The following NDUFAF5 variants were observed in gnomAD, a reference collection of about 807,000 sequenced individuals.
The protein encoded by NDUFAF5 is NADH:ubiquinone oxidoreductase complex assembly factor 5, also known as arginine-hydroxylase NDUFAF5, mitochondrial.
NDUFAF5 carries 34 observed loss-of-function variants against 48.9 expected under a neutral mutation model. That is an observed-to-expected ratio of 0.70 (90% CI 0.53 to 0.93). NDUFAF5 has a LOEUF of 0.93. NDUFAF5 is among the 40% of genes least tolerant of loss of function. NDUFAF5 has a pLI of 0.00. For synonymous variants in NDUFAF5, 153 were observed against 150.6 expected, an observed-to-expected ratio of 1.02 and a Z score of -0.12; for missense variants, 428 against 427.5, an observed-to-expected ratio of 1.00 and a Z score of -0.01.
rs773120608 is a variant in NDUFAF5 at position 13,785,242 on chromosome 20, G to C, written c.174G>C (p.Trp58Cys). 2 of 1,613,238 alleles carry C rather than the reference G, an allele frequency of 1.2e-6. No individual in the cohort carries two copies. Among genetic ancestry groups the C allele is most frequent in the Non-Finnish European group, 8.5e-7 (1 of 1,179,724 alleles). ...ATTTGAAAAGGAAACAGAAGAACTG[G>C]GCAGCCCGGCAGCCCGAGCCGACCA... ...DRDLKRKQKNWAARQPEPTKF... is the reference protein window; with the variant it reads ...DRDLKRKQKNCAARQPEPTKF... The change falls in exon 1 of 11, where the codon TGG (tryptophan) becomes TGC (cysteine). Residue 58 changes from tryptophan to cysteine, a missense_variant. Physicochemically the swap from Trp to Cys is radical, Grantham distance 215 (BLOSUM62 -2). Transcript: ENST00000378106.
At chr20:13,787,721 A>C (rs1981441274) in intron 2 of NDUFAF5, among the ~76,000 whole-genome samples, 1 of 152,170 alleles carries the variant, frequency 6.6e-6, no homozygotes, top group Non-Finnish European at 1.5e-5. Flanking sequence ...GTTCATCATC[A>C]AGATATAGGG....
intron 3 of NDUFAF5, 126 bp downstream of exon 3, chr20:13,788,778 T>G (rs1360218285): frequency 4.6e-5 from 19 of 414,542 alleles, no homozygotes; most frequent in Non-Finnish European, 7.6e-5. Context: ...TGTTAATTTG[T>G]TTTTTTTTTT....
rs1170610346 is a variant in NDUFAF5 at position 13,819,614 on chromosome 20, A to C, written c.*2404A>C. The C allele has an allele frequency of 1.3e-5, 2 of 152,468 alleles. No homozygotes were observed. Among genetic ancestry groups the C allele is most frequent in the East Asian group, 3.9e-4 (2 of 5,174 alleles). 9.4% of individuals were successfully genotyped at this position (152,468 alleles called of 1,614,324 possible). A position where few individuals can be genotyped will look rare whatever the true frequency, so the allele number is the denominator to read the frequency against. On this transcript the variant is annotated 3_prime_UTR_variant, in exon 11 of 11. Coordinates refer to ENST00000378106, the MANE Select transcript of NDUFAF5 (RefSeq NM_024120.5). ...AATCTCTTGACCTTGTGATCTGCCC[A>C]CCTTGGCTTCCCAAAGTGCTGAGAT... is the stretch of plus-strand genomic sequence containing the variant.
At chr20:13,808,707 C>T in intron 7 of NDUFAF5, 135 bp from the exon 8 acceptor site, 1 of 626,208 alleles carries the variant, frequency 1.6e-6, no homozygotes, top group Admixed American at 2.7e-5. Context: ...AGCCAGATGA[C>T]ATCTATGAAG....
In NDUFAF5 at chr20:13,814,739, A is replaced by G. The variant is rs549691580; in HGVS notation, c.779-1724A>G. Reference sequence around the variant, plus strand: ...AGGTGGTCTTCAGTAGAGGTCCCCCATGATGCATTAGGAGGTGTTACTCTT... The same window carrying G: ...AGGTGGTCTTCAGTAGAGGTCCCCCGTGATGCATTAGGAGGTGTTACTCTT... On this transcript the variant is annotated intron_variant, in intron 8 of 10. Transcript: ENST00000378106. Among the ~76,000 whole-genome samples the G allele has an allele frequency of 3.0e-3, 464 of 152,296 alleles. 4 individuals are homozygous for G. Among genetic ancestry groups the G allele is most frequent in the African/African-American group, 0.011 (439 of 41,574 alleles).
intron 7 of NDUFAF5, chr20:13,801,949 C>T (rs898801787): frequency 2.5e-6 from 1 of 394,132 alleles, no homozygotes; most frequent in Non-Finnish European, 4.6e-6. Context: ...AGACAAATTT[C>T]TAAACATACA....
rs1462232519 is a variant in NDUFAF5, at chr20:13,818,109, G to GTCTCC, written c.*904_*908dup. The GTCTCC allele has an allele frequency of 2.2e-6, 1 of 453,930 alleles. No individual in the cohort carries two copies. The highest frequency in any genetic ancestry group is 6.9e-5 in the East Asian group (1 of 14,402). 28.1% of individuals were successfully genotyped at this position (453,930 alleles called of 1,614,324 possible). On this transcript the variant is annotated 3_prime_UTR_variant, in exon 11 of 11. Coordinates refer to ENST00000378106, the MANE Select transcript of NDUFAF5 (RefSeq NM_024120.5). ...GTGATCTATAATAGCATTTCCTTCTGTCTCCTCTCAGTCTCTCTTCTGCCT... is the reference window on the plus strand; with the variant it reads ...GTGATCTATAATAGCATTTCCTTCTGTCTCCTCTCCTCTCAGTCTCTCTTCTGCCT...
chr20:13,817,292 C>A lies in NDUFAF5; in HGVS notation c.*82C>A. 2 of 1,092,024 alleles carry A rather than the reference C, an allele frequency of 1.8e-6. No individual in the cohort carries two copies. Among genetic ancestry groups the A allele is most frequent in the Non-Finnish European group, 2.8e-6 (2 of 704,198 alleles). 67.6% of individuals were successfully genotyped at this position (1,092,024 alleles called of 1,614,324 possible). On this transcript the variant is annotated 3_prime_UTR_variant, in exon 11 of 11. Coordinates refer to ENST00000378106, the MANE Select transcript of NDUFAF5 (RefSeq NM_024120.5). ...CATCTAAAATTATTATATTTTGAAGCAAGAAGCACTCTAAGCTATTTACTA... is the reference window on the plus strand; with the variant it reads ...CATCTAAAATTATTATATTTTGAAGAAAGAAGCACTCTAAGCTATTTACTA...
chr20:13,788,828 AT>A (rs894386305), intron 3 of NDUFAF5, among the ~76,000 whole-genome samples, 176 bp downstream of exon 3: 1 of 151,168 alleles, frequency 6.6e-6, no homozygotes, highest in Non-Finnish European at 1.5e-5. Flanking sequence ...CTTCTTTAGA[AT>A]TTTTTTCTTA....
In NDUFAF5 at chr20:13,818,061, C is replaced by T. The variant is rs928509628; in HGVS notation, c.*851C>T. 7.9e-5 allele frequency: 32 copies of T among 407,428 alleles called. No individual in the cohort carries two copies. The highest frequency in any genetic ancestry group is 7.4e-4 in the Middle Eastern group (1 of 1,358). 25.2% of individuals were successfully genotyped at this position (407,428 alleles called of 1,614,324 possible). A position where few individuals can be genotyped will look rare whatever the true frequency, so the allele number is the denominator to read the frequency against. ...CTTTTCCATTTAACCTGGGCACTGC[C>T]CTAGCCTCATCTTCAGCCTTCAGTG... is the stretch of plus-strand genomic sequence containing the variant. On this transcript the variant is annotated 3_prime_UTR_variant, in exon 11 of 11. Coordinates refer to ENST00000378106, the MANE Select transcript of NDUFAF5 (RefSeq NM_024120.5).
intron 7 of NDUFAF5, among the ~76,000 whole-genome samples, chr20:13,803,774 CTA>C (rs1045314917): frequency 1.3e-5 from 2 of 151,808 alleles, no homozygotes; most frequent in African/African-American, 2.4e-5. Context: ...TAAAAAATAA[CTA>C]TATTTTCTTT....
At chr20:13,807,154 A>G (rs1241575489) in intron 7 of NDUFAF5, among the ~76,000 whole-genome samples, 1 of 151,114 alleles carries the variant, frequency 6.6e-6, no homozygotes, top group African/African-American at 2.4e-5. Flanking sequence ...TCAAGCGATT[A>G]TGCTGCCTCA....
At chr20:13,797,514 C>A (rs1983429538) in intron 5 of NDUFAF5, among the ~76,000 whole-genome samples, 1 of 152,172 alleles carries the variant, frequency 6.6e-6, no homozygotes, top group Non-Finnish European at 1.5e-5. Context: ...GTAATTCCAA[C>A]TGTGACAATC....
At chr20:13,806,661 T>C (rs1381427513) in intron 7 of NDUFAF5, among the ~76,000 whole-genome samples, 2 of 152,236 alleles carry the variant, frequency 1.3e-5, no homozygotes. Context: ...CAAAGGATAT[T>C]GCTTAATGGC....
At chr20:13,786,723 G>A (rs1981213458) in intron 1 of NDUFAF5, among the ~76,000 whole-genome samples, 1 of 152,172 alleles carries the variant, frequency 6.6e-6, no homozygotes, top group African/African-American at 2.4e-5. Flanking sequence ...ACCAGATGAA[G>A]CTAGGCCAGC....
In NDUFAF5 at chr20:13,785,083, A is replaced by C; in HGVS notation, c.15A>C (p.Ala5=). Residue 5 remains alanine, a synonymous_variant, in exon 1 of 11, where the codon GCA becomes GCC. Coordinates refer to ENST00000378106, the MANE Select transcript of NDUFAF5 (RefSeq NM_024120.5). The stretch of plus-strand genomic sequence containing the variant: ...CGCAGCTGGAGATGCTGCGGCCGGC[A>C]GGGCTCTGGCGCTTATGTCGGCGAC... MLRP[A]GLWRLCRRPW... The C allele has an allele frequency of 1.2e-6, 2 of 1,612,300 alleles. No homozygotes were observed. The highest frequency in any genetic ancestry group is 1.8e-4 in the Middle Eastern group (1 of 5,504).
intron 8 of NDUFAF5, among the ~76,000 whole-genome samples, chr20:13,813,756 G>A (rs529499111): frequency 6.6e-6 from 1 of 152,286 alleles, no homozygotes; most frequent in South Asian, 2.1e-4. Context: ...TGAGGTTTAG[G>A]GGAGCTAACA....
At position 13,788,580 on chromosome 20, in the gene NDUFAF5, T is replaced by C. The variant is rs2147484275; in HGVS notation, c.264-9T>C. On this transcript the variant is annotated splice_polypyrimidine_tract_variant and intron_variant, in intron 2 of 10. Transcript: ENST00000378106. ...GGACAGAGCATAACCTCTGTGTCTT[T>C]TTTTTTAGAAATTTCCCCCTTGCTT... The C allele has an allele frequency of 6.2e-7, 1 of 1,607,022 alleles. No individual in the cohort carries two copies. The highest frequency in any genetic ancestry group is 1.1e-5 in the South Asian group (1 of 90,952).
chr20:13,816,184 C>A, intron 8 of NDUFAF5: 3 of 464,388 alleles, frequency 6.5e-6, no homozygotes, highest in African/African-American at 2.0e-5. Flanking sequence ...TTTTGCCCAG[C>A]GGGCTTACTT....
Sources: allele counts gnomAD v4.1 joint callset (sites outside exome capture counted in the v4.1 genomes callset), GRCh38; gene constraint gnomAD v4.1.1; transcripts MANE v1.5; gene names NCBI Gene and HGNC (gene_info 2026-07-23, HGNC 2026-07-21).